Variants in DCDC2 observed in about 807,000 individuals in gnomAD.
The protein encoded by DCDC2 is doublecortin domain-containing protein 2.
A neutral mutation model predicts 50.2 loss-of-function variants in DCDC2; 40 were observed. The observed-to-expected ratio is 0.80, with a 90% confidence interval of 0.62 to 1.04. DCDC2 has a LOEUF of 1.04. DCDC2 is among the 50% of genes least tolerant of loss of function. The pLI, the probability that DCDC2 is intolerant of heterozygous loss-of-function variation, is 0.00. For synonymous variants in DCDC2, 234 were observed against 210.6 expected (o/e 1.11, Z -0.96); for missense variants, 570 against 581.9 (o/e 0.98, Z 0.21).
intron 4 of DCDC2, among the ~76,000 whole-genome samples, chr6:24,299,298 G>A (rs1759322912): frequency 6.6e-6 from 1 of 152,062 alleles, no homozygotes; most frequent in South Asian, 2.1e-4. Flanking sequence ...GGGTACAGAT[G>A]GACATAAAAA....
At chr6:24,206,966 G>C (rs1199385422) in intron 7 of DCDC2, among the ~76,000 whole-genome samples, 1 of 152,016 alleles carries the variant, frequency 6.6e-6, no homozygotes. Context: ...GATCAGAAAG[G>C]AATTCATAAG....
At chr6:24,367,235 G>A in the DCDC2 span, among the ~76,000 whole-genome samples, 3 of 152,220 alleles carry the variant, frequency 2.0e-5, no homozygotes, top group Non-Finnish European at 2.9e-5. Flanking sequence ...TGGGAAGTAA[G>A]CAAGCACTAA....
chr6:24,365,115 C>T, the DCDC2 span, among the ~76,000 whole-genome samples: 9 of 152,262 alleles, frequency 5.9e-5, 1 homozygote, highest in African/African-American at 2.2e-4. Flanking sequence ...TTCAAATCCA[C>T]GTGCTAGGTG....
At chr6:24,264,379 T>C (rs145794944) in intron 7 of DCDC2, among the ~76,000 whole-genome samples, 261 of 152,214 alleles carry the variant, frequency 1.7e-3, no homozygotes, top group African/African-American at 5.8e-3. Context: ...ATATCTTCAG[T>C]TGAAATATTA....
intron 7 of DCDC2, among the ~76,000 whole-genome samples, chr6:24,247,753 C>A (rs1025606933): frequency 3.9e-5 from 6 of 152,122 alleles, no homozygotes; most frequent in Non-Finnish European, 4.4e-5. Context: ...TATTTTGAAA[C>A]TATGTTTCTT....
intron 7 of DCDC2, among the ~76,000 whole-genome samples, chr6:24,239,120 G>T (rs1324892243): frequency 6.6e-6 from 1 of 152,116 alleles, no homozygotes; most frequent in East Asian, 1.9e-4. Flanking sequence ...ACATGAATAA[G>T]GCATAGTCCT....
At chr6:24,275,549 A>G (rs1763332980) in intron 7 of DCDC2, among the ~76,000 whole-genome samples, 1 of 152,186 alleles carries the variant, frequency 6.6e-6, no homozygotes, top group Non-Finnish European at 1.5e-5. Context: ...AAGGAAAAAA[A>G]AATTCATTCC....
At chr6:24,273,083 A>C (rs1348092985) in intron 7 of DCDC2, among the ~76,000 whole-genome samples, 1 of 152,216 alleles carries the variant, frequency 6.6e-6, no homozygotes, top group African/African-American at 2.4e-5. Context: ...ATATAAACAC[A>C]CACAGTAAAA....
intron 2 of DCDC2, among the ~76,000 whole-genome samples, chr6:24,329,939 C>G (rs553503645): frequency 1.3e-5 from 2 of 152,078 alleles, no homozygotes; most frequent in Non-Finnish European, 2.9e-5. Flanking sequence ...TTTAAGAAAG[C>G]AAGTCTCTTA....
In DCDC2 at chr6:24,246,762, C is replaced by G. The variant is rs555326786; in HGVS notation, c.922+31287G>C. The stretch of plus-strand genomic sequence containing the variant: ...TCAACCTCCCAAAGTGCTGGGATTA[C>G]AGGCATGAGCCACCGTGCCTGGCCC... On this transcript the variant is annotated intron_variant, in intron 7 of 9. Transcript: ENST00000378454. Among the ~76,000 whole-genome samples the G allele has an allele frequency of 1.0e-3, 153 of 152,106 alleles. 1 individual carries two copies. Among genetic ancestry groups the G allele is most frequent in the African/African-American group, 3.6e-3 (148 of 41,500 alleles).
rs987576604 is a variant in DCDC2 at position 24,184,346 on chromosome 6, A to G, written c.1024-5714T>C. Among the ~76,000 whole-genome samples, 11 of 152,196 alleles carry G rather than the reference A, an allele frequency of 7.2e-5. No individual in the cohort carries two copies. The East Asian group carries it at 7.7e-4, about 11-fold the overall frequency. ...CTAGCACTTTGGAGGCTGAGGCAGG[A>G]GGATTAACTGAGCTCGGGAGTTCAA... On this transcript the variant is annotated intron_variant, in intron 8 of 9. Coordinates refer to ENST00000378454, the MANE Select transcript of DCDC2 (RefSeq NM_016356.5).
chr6:24,210,329 G>T (rs1761839218), intron 7 of DCDC2, among the ~76,000 whole-genome samples: 1 of 152,056 alleles, frequency 6.6e-6, no homozygotes, highest in African/African-American at 2.4e-5. Context: ...CTATCTAACT[G>T]TCTAACTTGA....
At chr6:24,231,910 G>A (rs1028601791) in intron 7 of DCDC2, among the ~76,000 whole-genome samples, 4 of 152,008 alleles carry the variant, frequency 2.6e-5, no homozygotes, top group African/African-American at 9.7e-5. Flanking sequence ...CTCAGGCAGA[G>A]AGAAATTATT....
upstream of DCDC2, among the ~76,000 whole-genome samples, chr6:24,358,967 A>ATATATTATATATTT (rs1247219168): frequency 0.019 from 1,315 of 69,318 alleles, 97 homozygotes; most frequent in African/African-American, 0.076. Flanking sequence ...ATTATATATT[A>ATATATTATATATTT]TATATTTTAT....
the DCDC2 span, among the ~76,000 whole-genome samples, chr6:24,368,258 G>C: frequency 5.9e-5 from 9 of 152,054 alleles, no homozygotes; most frequent in Non-Finnish European, 1.2e-4. Flanking sequence ...CAAAATTCCA[G>C]AAGGAGACAC....
intron 2 of DCDC2, among the ~76,000 whole-genome samples, chr6:24,342,465 G>A (rs1760176033): frequency 1.3e-5 from 2 of 152,182 alleles, no homozygotes; most frequent in South Asian, 2.1e-4. Context: ...CCACTTCTCC[G>A]TGGAGTGTGG....
At chr6:24,242,396 C>T (rs1162800902) in intron 7 of DCDC2, among the ~76,000 whole-genome samples, 1 of 152,058 alleles carries the variant, frequency 6.6e-6, no homozygotes, top group African/African-American at 2.4e-5. Flanking sequence ...TGCCTCCAGC[C>T]TAGGTGCATG....
chr6:24,344,502 T>C (rs1159962361), intron 2 of DCDC2, among the ~76,000 whole-genome samples: 1 of 152,242 alleles, frequency 6.6e-6, no homozygotes, highest in Non-Finnish European at 1.5e-5. Flanking sequence ...CTTCCTAACA[T>C]CATGCCTAAA....
intron 4 of DCDC2, among the ~76,000 whole-genome samples, chr6:24,298,368 C>T (rs896860731): frequency 7.2e-5 from 11 of 152,166 alleles, no homozygotes; most frequent in Non-Finnish European, 1.5e-4. Flanking sequence ...ATAAGATAAA[C>T]GTGCAAAGGC....
Sources: gnomAD v4.1 joint callset for allele counts (sites outside exome capture counted in the v4.1 genomes callset) on GRCh38, gnomAD v4.1.1 for gene constraint, MANE v1.5 for transcripts, NCBI Gene and HGNC (gene_info 2026-07-23, HGNC 2026-07-21) for gene names.